The following NFIB variants were observed in gnomAD, a reference collection of about 807,000 sequenced individuals.
The protein encoded by NFIB is nuclear factor I B.
In NFIB, 11 loss-of-function variants were observed where a neutral mutation model predicts 61.5. The observed-to-expected ratio is 0.18, with a 90% confidence interval of 0.11 to 0.30. The LOEUF is 0.30. NFIB is among the 10% of genes least tolerant of loss of function. NFIB has a pLI of 1.00. For missense variants in NFIB, 471 were observed against 608.9 expected (o/e 0.77, Z 2.38); for synonymous variants, 260 against 216.5 (o/e 1.20, Z -1.76).
the NFIB span, among the ~76,000 whole-genome samples, chr9:14,465,877 C>T: frequency 3.0e-4 from 45 of 152,248 alleles, no homozygotes; most frequent in African/African-American, 1.0e-3. Flanking sequence ...AACAATACTC[C>T]CTCTCCCAGT....
chr9:14,465,011 A>C, the NFIB span, among the ~76,000 whole-genome samples: 5 of 152,200 alleles, frequency 3.3e-5, no homozygotes, highest in African/African-American at 1.2e-4. Flanking sequence ...AAGATAAATG[A>C]GAACAGTCAG....
chr9:14,313,716 C>A lies in NFIB; in HGVS notation c.-205G>T. On this transcript the variant is annotated 5_prime_UTR_variant, in exon 1 of 11. Transcript: ENST00000380953. The surrounding 1 kb of genome is among the most constrained non-coding windows in gnomAD (Gnocchi z 4.5). The stretch of plus-strand genomic sequence containing the variant: ...CAAGTTCACTCGGCGTGCTAGATTT[C>A]CAGGGGTGAAATCCAATCTACACTT... The A allele has an allele frequency of 7.1e-7, 1 of 1,404,848 alleles. No homozygotes were observed. 87.0% of individuals were successfully genotyped at this position (1,404,848 alleles called of 1,614,324 possible).
chr9:14,383,297 T>C (rs7867427), intron 1 of NFIB, among the ~76,000 whole-genome samples: 54,118 of 152,140 alleles, frequency 0.36, 10,051 homozygotes, highest in Non-Finnish European at 0.41. Context: ...AGGGCCCAGA[T>C]ACTGAAATAC....
rs371879819 is a variant in NFIB at position 14,291,302 on chromosome 9, C to T, written c.562+15687G>A. Among the ~76,000 whole-genome samples the T allele has an allele frequency of 2.6e-5, 4 of 151,970 alleles. No individual in the cohort carries two copies. The East Asian group carries it at 5.8e-4, about 22-fold the overall frequency. On this transcript the variant is annotated intron_variant, in intron 2 of 10. Transcript: ENST00000380953. ...GTGTTCACAACCAGCCTGGCCAACA[C>T]GATGAAATCCAGTCTCTACTAAAAA... is the stretch of plus-strand genomic sequence containing the variant.
At chr9:14,093,767 G>T (rs1243790481) in intron 10 of NFIB, among the ~76,000 whole-genome samples, 1 of 152,034 alleles carries the variant, frequency 6.6e-6, no homozygotes, top group African/African-American at 2.4e-5. Flanking sequence ...GGTTGTACAT[G>T]GGTGCATTCG....
At chr9:14,111,806 T>TTTTGC (rs2037419674) in intron 10 of NFIB, among the ~76,000 whole-genome samples, 1 of 152,192 alleles carries the variant, frequency 6.6e-6, no homozygotes, top group South Asian at 2.1e-4. Context: ...GTTTGTTTTG[T>TTTTGC]TTTGCTTTTT....
intron 2 of NFIB, among the ~76,000 whole-genome samples, chr9:14,300,921 C>T (rs1052979778): frequency 2.0e-5 from 3 of 152,114 alleles, no homozygotes; most frequent in Non-Finnish European, 4.4e-5. Flanking sequence ...TCTTGGATTG[C>T]TGTTTCAAAT....
chr9:14,375,937 G>T (rs2061413778), intron 1 of NFIB, among the ~76,000 whole-genome samples: 1 of 152,224 alleles, frequency 6.6e-6, no homozygotes, highest in Non-Finnish European at 1.5e-5. Flanking sequence ...ATTATGTGGT[G>T]TTTAAGGCAC....
the NFIB span, among the ~76,000 whole-genome samples, chr9:14,429,464 C>T: frequency 3.1e-3 from 469 of 152,304 alleles, 2 homozygotes; most frequent in African/African-American, 0.011. Context: ...GCCCACATTT[C>T]CAGGCCTTGC....
At chr9:14,493,115 G>C in the NFIB span, among the ~76,000 whole-genome samples, 5 of 152,200 alleles carry the variant, frequency 3.3e-5, no homozygotes, top group African/African-American at 1.2e-4. Flanking sequence ...CTCTAAGGCA[G>C]TGCTCTCTCT....
intron 6 of NFIB, among the ~76,000 whole-genome samples, chr9:14,144,516 G>A (rs1030711938): frequency 6.6e-6 from 1 of 152,132 alleles, no homozygotes; most frequent in African/African-American, 2.4e-5. Flanking sequence ...TCACTAATGA[G>A]ACTGGTGTTC....
Position 14,082,749 on chromosome 9 carries a change from T to C in NFIB, c.*5560A>G. ...CAACTTCAATGCCCTCGATGAAGGA[T>C]GCATAAAAAGCCATACTTCTTAAAA... On this transcript the variant is annotated 3_prime_UTR_variant, in exon 11 of 11. Coordinates refer to ENST00000380953, the MANE Select transcript of NFIB (RefSeq NM_001190737.2). 1 of 189,646 alleles carries C rather than the reference T, an allele frequency of 5.3e-6. No homozygotes were observed. The highest frequency in any genetic ancestry group is 1.1e-5 in the Non-Finnish European group (1 of 93,438). The allele number at this position is 189,646 out of a possible 1,614,324, so 11.7% of individuals were successfully genotyped here.
chr9:14,150,701 AC>A (rs565913943), intron 4 of NFIB, among the ~76,000 whole-genome samples: 1 of 152,120 alleles, frequency 6.6e-6, no homozygotes, highest in Non-Finnish European at 1.5e-5. Flanking sequence ...GAACCGTTTC[AC>A]AAAAAAAAGC....
intron 2 of NFIB, among the ~76,000 whole-genome samples, chr9:14,289,652 A>G (rs967106344): frequency 4.6e-5 from 7 of 151,934 alleles, no homozygotes; most frequent in African/African-American, 1.7e-4. Context: ...CACACTTTGA[A>G]AAAATCTAAA....
At chr9:14,394,734 A>G (rs1423684896) in intron 1 of NFIB, among the ~76,000 whole-genome samples, 1 of 152,056 alleles carries the variant, frequency 6.6e-6, no homozygotes, top group Non-Finnish European at 1.5e-5. Context: ...CTTGTAGAGG[A>G]CTTGGAAGAC....
At chr9:14,124,883 G>C (rs2039428366) in intron 7 of NFIB, among the ~76,000 whole-genome samples, 1 of 152,112 alleles carries the variant, frequency 6.6e-6, no homozygotes. Context: ...TTTATTCTCT[G>C]ATTACTCTCA....
chr9:14,398,689 T>C, exon 1 of NFIB: 1 of 1,228,810 alleles, frequency 8.1e-7, no homozygotes. Flanking sequence ...ATTTGCGCTG[T>C]TTTAGAATGT....
At chr9:14,116,126 A>G in intron 9 of NFIB, 82 bp downstream of exon 9, 2 of 1,342,694 alleles carry the variant, frequency 1.5e-6, no homozygotes, top group East Asian at 3.0e-5. Flanking sequence ...ACCTTGGATC[A>G]GATATCCAAT....
intron 2 of NFIB, among the ~76,000 whole-genome samples, chr9:14,216,546 CTG>C (rs372536644): frequency 1.9e-4 from 4 of 21,556 alleles, no homozygotes; most frequent in African/African-American, 4.9e-4. Context: ...CTCTCTCCCT[CTG>C]TGTGTGTGTG....
Sources: gnomAD v4.1 joint callset for allele counts (sites outside exome capture counted in the v4.1 genomes callset) on GRCh38, gnomAD v4.1.1 for gene constraint, Gnocchi (gnomAD v3.1) non-coding constraint, MANE v1.5 for transcripts, NCBI Gene and HGNC (gene_info 2026-07-23, HGNC 2026-07-21) for gene names.